Variants in TANC2 observed in about 807,000 individuals in gnomAD.
The protein encoded by TANC2 is tetratricopeptide repeat, ankyrin repeat and coiled-coil containing 2, also known as protein TANC2.
Under a neutral mutation model 210.5 loss-of-function variants are expected in TANC2, and 26 were observed. That is an observed-to-expected ratio of 0.12 (90% CI 0.09 to 0.17). The LOEUF (loss-of-function observed/expected upper bound fraction) is 0.17, where lower values mean the gene tolerates loss of function less well. Among genes scored for constraint, TANC2 ranks in the 10% least tolerant of loss-of-function variants. The pLI is 1.00. For missense variants in TANC2, 2,129 were observed against 2,608.9 expected (o/e 0.82, Z 4.01); for synonymous variants, 931 against 967.1 (o/e 0.96, Z 0.69).
At chr17:63,387,652 C>A (rs1223192937) in intron 15 of TANC2, among the ~76,000 whole-genome samples, 1 of 152,214 alleles carries the variant, frequency 6.6e-6, no homozygotes, top group East Asian at 1.9e-4. Flanking sequence ...CTCAGGATTT[C>A]CTTCTTTAAC....
intron 12 of TANC2, among the ~76,000 whole-genome samples, chr17:63,345,637 A>AAC (rs1429379575): frequency 2.6e-5 from 4 of 151,852 alleles, no homozygotes; most frequent in African/African-American, 9.7e-5. Context: ...AAAAAAAAAA[A>AAC]AACACATAAT....
chr17:63,085,250 G>GT (rs971196313), intron 3 of TANC2, among the ~76,000 whole-genome samples: 3 of 151,964 alleles, frequency 2.0e-5, no homozygotes, highest in Non-Finnish European at 4.4e-5. Context: ...AGTTGGGTCT[G>GT]TTTTTTTGAC....
intron 2 of TANC2, among the ~76,000 whole-genome samples, chr17:63,013,244 A>G (rs996519972): frequency 2.0e-5 from 3 of 151,810 alleles, no homozygotes; most frequent in African/African-American, 7.3e-5. Flanking sequence ...GGTTACTTCT[A>G]GGATACTTTT....
rs1261067737 is a variant in TANC2, at chr17:63,163,998, TAGTA to T, written c.433+12619_433+12622del. ...ACTTTGAAAATTTTTTAAATAGTAG[TAGTA>T]GGGAAAGATACAGTACAAATGGGTG... On this transcript the variant is annotated intron_variant, in intron 5 of 27. Transcript: ENST00000689528. Among the ~76,000 whole-genome samples the T allele has an allele frequency of 3.3e-5, 5 of 152,312 alleles. No homozygotes were observed. The East Asian group carries it at 9.6e-4, about 29-fold the overall frequency.
Position 63,418,839 on chromosome 17 carries a change from A to G in TANC2, c.4268+432A>G, listed in dbSNP as rs2147403652. Among the ~76,000 whole-genome samples, 1 of 152,262 alleles carries G rather than the reference A, an allele frequency of 6.6e-6. No individual in the cohort carries two copies. Among genetic ancestry groups the G allele is most frequent in the African/African-American group, 2.4e-5 (1 of 41,552 alleles). On this transcript the variant is annotated intron_variant, in intron 27 of 27. Coordinates refer to ENST00000689528, the Ensembl canonical transcript of TANC2. The surrounding 1 kb of genome is among the most constrained non-coding windows in gnomAD (Gnocchi z 4.6). ...TCCTTCTCCCATAGGCGTTTGAGGA[A>G]TCCCGGATTAGTTAGTCTTCCCTCT...
intron 17 of TANC2, among the ~76,000 whole-genome samples, chr17:63,395,363 G>T (rs1024398052): frequency 2.6e-5 from 4 of 152,164 alleles, no homozygotes. Context: ...TGATTTCAAA[G>T]ATAATTTTTT....
intron 1 of TANC2, among the ~76,000 whole-genome samples, chr17:62,989,864 G>A (rs147616607): frequency 0.013 from 1,857 of 146,080 alleles, 39 homozygotes; most frequent in African/African-American, 0.045. Context: ...CTCGTCTCCT[G>A]GGTTCAAGTG....
intron 2 of TANC2, among the ~76,000 whole-genome samples, chr17:63,023,844 C>CT (rs2034445757): frequency 6.6e-6 from 1 of 152,128 alleles, no homozygotes; most frequent in South Asian, 2.1e-4. Flanking sequence ...GAACTAAGTG[C>CT]TAAGAACTTT....
At position 63,098,464 on chromosome 17, in the gene TANC2, ACACACACACACACACATACACT is replaced by A. The variant is rs1182312090; in HGVS notation, c.140-709_140-688del. On this transcript the variant is annotated intron_variant, in intron 3 of 27. Transcript: ENST00000689528. ...CACACACACACACACACACACACAC[ACACACACACACACACATACACT>A]CTCTCTCTCTCTCTCTCTCTCTCTG... 1.2e-3 allele frequency among the ~76,000 whole-genome samples: 47 copies of A among 38,248 alleles called. 1 individual carries two copies. Among genetic ancestry groups the A allele is most frequent in the African/African-American group, 5.3e-3 (29 of 5,492 alleles). The allele number at this position is 38,248 out of a possible 152,430, so 25.1% of individuals were successfully genotyped here.
At chr17:63,220,540 A>G (rs1219060342) in intron 7 of TANC2, among the ~76,000 whole-genome samples, 1 of 151,118 alleles carries the variant, frequency 6.6e-6, no homozygotes, top group Non-Finnish European at 1.5e-5. Flanking sequence ...CGTCTCTACT[A>G]AAAATACAAA....
chr17:63,324,987 A>G (rs1415106361), intron 11 of TANC2, among the ~76,000 whole-genome samples: 1 of 145,274 alleles, frequency 6.9e-6, no homozygotes, highest in Non-Finnish European at 1.5e-5. Flanking sequence ...TTCTTAAAAT[A>G]TCATAAAAAT....
At chr17:63,378,953 A>G (rs1003406210) in intron 14 of TANC2, among the ~76,000 whole-genome samples, 18 of 152,182 alleles carry the variant, frequency 1.2e-4, no homozygotes, top group African/African-American at 4.1e-4. Context: ...ACAGTTGGAT[A>G]TATACTGGCC....
At chr17:63,339,637 G>A (rs978646691) in intron 11 of TANC2, among the ~76,000 whole-genome samples, 1 of 152,108 alleles carries the variant, frequency 6.6e-6, no homozygotes, top group East Asian at 1.9e-4. Flanking sequence ...TAACACACCT[G>A]TAATCCAAAA....
chr17:63,056,506 G>C (rs566723604), intron 2 of TANC2, among the ~76,000 whole-genome samples: 54 of 152,060 alleles, frequency 3.6e-4, no homozygotes, highest in Non-Finnish European at 6.6e-4. Flanking sequence ...AGCAAGATCC[G>C]TTCTCTACCA....
At chr17:63,139,145 T>G (rs1422904274) in intron 4 of TANC2, among the ~76,000 whole-genome samples, 1 of 152,234 alleles carries the variant, frequency 6.6e-6, no homozygotes, top group African/African-American at 2.4e-5. Flanking sequence ...TTTTAACTTA[T>G]TACTTTCTCT....
At chr17:63,035,814 T>C (rs1487680319) in intron 2 of TANC2, among the ~76,000 whole-genome samples, 1 of 152,174 alleles carries the variant, frequency 6.6e-6, no homozygotes, top group African/African-American at 2.4e-5. Context: ...ACCCTTTTCA[T>C]TCCCACCAGC....
rs143050886 is a variant in TANC2 at position 63,138,026 on chromosome 17, C to A, written c.323-13244C>A. Among the ~76,000 whole-genome samples, 108 of 152,256 alleles carry A rather than the reference C, an allele frequency of 7.1e-4. 2 individuals carry two copies. The East Asian group carries it at 0.02, about 29-fold the overall frequency. ...GCATGTAACTGCATATTCCAGCTTTCCTTGCACTTAAGTGTGTCACATGAC... is the reference window on the plus strand; with the variant it reads ...GCATGTAACTGCATATTCCAGCTTTACTTGCACTTAAGTGTGTCACATGAC... On this transcript the variant is annotated intron_variant, in intron 4 of 27. Coordinates refer to ENST00000689528, the Ensembl canonical transcript of TANC2.
chr17:63,021,037 T>C (rs1023737702), intron 2 of TANC2, among the ~76,000 whole-genome samples: 1 of 152,148 alleles, frequency 6.6e-6, no homozygotes, highest in African/African-American at 2.4e-5. Flanking sequence ...ATGACCCAGA[T>C]ACCTCTTGAG....
intron 1 of TANC2, among the ~76,000 whole-genome samples, chr17:63,000,864 G>T (rs1265537188): frequency 1.3e-5 from 2 of 150,228 alleles, no homozygotes; most frequent in Non-Finnish European, 3.0e-5. Flanking sequence ...CTATTGGTAT[G>T]TTAACTTGAG....
Sources: allele counts gnomAD v4.1 joint callset (sites outside exome capture counted in the v4.1 genomes callset), GRCh38; gene constraint gnomAD v4.1.1; non-coding constraint Gnocchi (gnomAD v3.1); transcripts MANE v1.5; gene names NCBI Gene and HGNC (gene_info 2026-07-23, HGNC 2026-07-21).